The following EPHB2 variants were observed in gnomAD, a reference collection of about 807,000 sequenced individuals.
EPHB2 encodes ephrin type-B receptor 2.
EPHB2 carries 18 observed loss-of-function variants against 96.4 expected under a neutral mutation model. The ratio of observed to expected loss-of-function variants is 0.19; its 90% CI spans 0.13 to 0.28. The LOEUF is 0.28. Ranked by LOEUF, EPHB2 falls within the 10% of genes least tolerant of loss-of-function variation. The probability of loss-of-function intolerance (pLI) is 1.00; values close to 1 mark genes in which losing one functional copy is unlikely to be tolerated. For synonymous variants in EPHB2, 506 were observed against 534.1 expected (o/e 0.95, Z 0.72); for missense variants, 989 against 1,355.4 (o/e 0.73, Z 4.25).
chr1:22,882,549 C>T, intron 6 of EPHB2, 66 bp downstream of exon 6: 3 of 1,604,876 alleles, frequency 1.9e-6, no homozygotes, highest in Admixed American at 1.7e-5. Context: ...CAGGCTGAGG[C>T]CTGGGAGTTC....
chr1:22,879,201 C>G (rs1390311283), intron 5 of EPHB2, among the ~76,000 whole-genome samples: 1 of 39,502 alleles, frequency 2.5e-5, no homozygotes, highest in South Asian at 3.7e-3. Flanking sequence ...GTCGCACCCC[C>G]ACCTCCACCA....
chr1:22,872,807 C>T (rs1412842370), intron 5 of EPHB2, among the ~76,000 whole-genome samples: 3 of 152,354 alleles, frequency 2.0e-5, no homozygotes, highest in African/African-American at 7.2e-5. Context: ...GCCTCTGGAA[C>T]TGGCATGAAC....
intron 1 of EPHB2, among the ~76,000 whole-genome samples, chr1:22,747,945 G>C (rs922631672): frequency 6.6e-6 from 1 of 152,212 alleles, no homozygotes; most frequent in Non-Finnish European, 1.5e-5. Context: ...ACACTGTGGT[G>C]GAGCTGTGTG....
chr1:22,843,666 G>C (rs890943823), intron 3 of EPHB2, among the ~76,000 whole-genome samples: 1 of 152,052 alleles, frequency 6.6e-6, no homozygotes, highest in East Asian at 1.9e-4. Flanking sequence ...TCAGCCTCCC[G>C]AGTAGCTGGG....
chr1:22,886,201 A>T (rs1448298511), intron 6 of EPHB2, among the ~76,000 whole-genome samples: 3 of 152,216 alleles, frequency 2.0e-5, no homozygotes, highest in Non-Finnish European at 4.4e-5. Context: ...CTAGGAGTTC[A>T]CCAAACGCGC....
chr1:22,902,583 G>A (rs1007813544), intron 9 of EPHB2, among the ~76,000 whole-genome samples: 15 of 152,320 alleles, frequency 9.8e-5, no homozygotes, highest in Admixed American at 5.9e-4. Context: ...TTCAAGACAC[G>A]TAGTAATGCT....
Position 22,906,563 on chromosome 1 carries a change from T to C in EPHB2, c.1889-147T>C. 7.8e-7 allele frequency: 1 copy of C among 1,281,992 alleles called. No homozygotes were observed. The highest frequency in any genetic ancestry group is 1.1e-6 in the Non-Finnish European group (1 of 927,246). The allele number at this position is 1,281,992 out of a possible 1,614,324, so 79.4% of individuals were successfully genotyped here. On this transcript the variant is annotated intron_variant, in intron 10 of 15. Coordinates refer to ENST00000374630, the MANE Select transcript of EPHB2 (RefSeq NM_017449.5). This position sits in a 1 kb window ranked among gnomAD's most constrained non-coding sequence, Gnocchi z 4.8. ...AACTTTTCTGGACCCCTGACATTCT[T>C]GAAGGGGTTCTGTGTCTGCAAGGAT...
intron 14 of EPHB2, 32 bp downstream of exon 14, chr1:22,910,607 G>T: frequency 6.2e-7 from 1 of 1,612,042 alleles, no homozygotes; most frequent in South Asian, 1.1e-5. Context: ...GCCCCAGCCA[G>T]GCCCTGCCCC....
chr1:22,731,867 T>C (rs1643721519), intron 1 of EPHB2, among the ~76,000 whole-genome samples: 1 of 151,956 alleles, frequency 6.6e-6, no homozygotes. Flanking sequence ...AACAACAAAA[T>C]CATCACTGTG....
intron 1 of EPHB2, among the ~76,000 whole-genome samples, chr1:22,756,448 T>C (rs1644151991): frequency 6.6e-6 from 1 of 152,020 alleles, no homozygotes; most frequent in Admixed American, 6.5e-5. Context: ...TGACCCTGAG[T>C]CCCGCCTGAG....
chr1:22,830,046 A>G (rs1645280833), intron 3 of EPHB2, among the ~76,000 whole-genome samples: 1 of 152,190 alleles, frequency 6.6e-6, no homozygotes, highest in African/African-American at 2.4e-5. Context: ...ATCATGCTCA[A>G]GTTTGACTGG....
chr1:22,746,684 C>A (rs1643979696), intron 1 of EPHB2, among the ~76,000 whole-genome samples: 1 of 152,238 alleles, frequency 6.6e-6, no homozygotes, highest in Non-Finnish European at 1.5e-5. Flanking sequence ...ATACACATCT[C>A]TAAATCCTGA....
At chr1:22,867,450 G>A (rs1177914975) in intron 5 of EPHB2, among the ~76,000 whole-genome samples, 2 of 152,166 alleles carry the variant, frequency 1.3e-5, no homozygotes, top group Non-Finnish European at 2.9e-5. Flanking sequence ...TGTTGGTGGT[G>A]TTGCTGTGGC....
intron 3 of EPHB2, among the ~76,000 whole-genome samples, chr1:22,792,716 T>C (rs1179896255): frequency 2.0e-5 from 3 of 152,130 alleles, no homozygotes; most frequent in African/African-American, 7.2e-5. Flanking sequence ...CTAACACTTG[T>C]TGAGTGTCAT....
chr1:22,829,919 G>T (rs1423233905), intron 3 of EPHB2, among the ~76,000 whole-genome samples: 1 of 152,154 alleles, frequency 6.6e-6, no homozygotes, highest in Non-Finnish European at 1.5e-5. Context: ...AGCAATGAAG[G>T]CTCCAAGTGA....
intron 5 of EPHB2, among the ~76,000 whole-genome samples, chr1:22,880,384 C>A (rs1570430534): frequency 6.6e-6 from 1 of 152,224 alleles, no homozygotes; most frequent in Non-Finnish European, 1.5e-5. Flanking sequence ...GTGTCAGCCT[C>A]CACTTTCCAG....
At chr1:22,806,016 G>A (rs556973633) in intron 3 of EPHB2, among the ~76,000 whole-genome samples, 43 of 152,328 alleles carry the variant, frequency 2.8e-4, no homozygotes, top group African/African-American at 9.9e-4. Flanking sequence ...TAATTGTGCA[G>A]GTGGGGAAAC....
intron 3 of EPHB2, among the ~76,000 whole-genome samples, chr1:22,798,362 C>T (rs148546411): frequency 3.9e-5 from 6 of 152,258 alleles, no homozygotes; most frequent in South Asian, 2.1e-4. Context: ...TTTCTAAGCA[C>T]GGATGGAGAC....
chr1:22,822,670 C>G (rs1045588152), intron 3 of EPHB2, among the ~76,000 whole-genome samples: 2 of 152,246 alleles, frequency 1.3e-5, no homozygotes, highest in Non-Finnish European at 2.9e-5. Flanking sequence ...GAAAGGAAGG[C>G]CCTGTTGGCC....
Sources: gnomAD v4.1 joint callset for allele counts (sites outside exome capture counted in the v4.1 genomes callset) on GRCh38, gnomAD v4.1.1 for gene constraint, Gnocchi (gnomAD v3.1) non-coding constraint, MANE v1.5 for transcripts, NCBI Gene and HGNC (gene_info 2026-07-23, HGNC 2026-07-21) for gene names.